KCNQ5: variants seen among roughly 807,000 people sequenced by gnomAD.
The protein encoded by KCNQ5 is potassium voltage-gated channel subfamily Q member 5, also known as potassium voltage-gated channel subfamily KQT member 5.
Under a neutral mutation model 98.2 loss-of-function variants are expected in KCNQ5, and 30 were observed. That is an observed-to-expected ratio of 0.31 (90% CI 0.23 to 0.41). KCNQ5 has a LOEUF of 0.41. Among genes scored for constraint, KCNQ5 ranks in the 10% least tolerant of loss-of-function variants. The pLI is 1.00. For synonymous variants in KCNQ5, 458 were observed against 449.4 expected (o/e 1.02, Z -0.24); for missense variants, 835 against 1,182.5 (o/e 0.71, Z 4.31).
At chr6:73,169,182 T>G (rs1777912675) in intron 10 of KCNQ5, among the ~76,000 whole-genome samples, 1 of 96,674 alleles carries the variant, frequency 1.0e-5, no homozygotes, top group Non-Finnish European at 1.9e-5. Context: ...AACTGATTTT[T>G]TATCCAGTCT....
chr6:72,729,417 A>T (rs1015833286), intron 1 of KCNQ5, among the ~76,000 whole-genome samples: 4 of 152,132 alleles, frequency 2.6e-5, no homozygotes, highest in Non-Finnish European at 5.9e-5. Flanking sequence ...CCTCCCAAGT[A>T]TCTGGGACTA....
intron 5 of KCNQ5, among the ~76,000 whole-genome samples, chr6:73,101,289 C>A (rs185064607): frequency 6.6e-6 from 1 of 152,154 alleles, no homozygotes; most frequent in Non-Finnish European, 1.5e-5. Context: ...GATCATCCAT[C>A]ATGACCAAGT....
intron 1 of KCNQ5, among the ~76,000 whole-genome samples, chr6:72,822,920 T>C (rs1162025643): frequency 1.3e-5 from 2 of 152,194 alleles, no homozygotes; most frequent in African/African-American, 4.8e-5. Flanking sequence ...CATGACCCCA[T>C]GTCACTTAGA....
At chr6:72,832,729 A>G (rs1776337236) in intron 1 of KCNQ5, among the ~76,000 whole-genome samples, 1 of 152,216 alleles carries the variant, frequency 6.6e-6, no homozygotes, top group African/African-American at 2.4e-5. Context: ...AAGACTAAAT[A>G]TTCAAGAATG....
chr6:72,986,828 G>T, intron 1 of KCNQ5: 2 of 1,157,842 alleles, frequency 1.7e-6, no homozygotes, highest in Non-Finnish European at 2.6e-6. Flanking sequence ...AACAAAGGGG[G>T]CCCAGGACCC....
intron 11 of KCNQ5, among the ~76,000 whole-genome samples, chr6:73,172,802 C>T (rs1016650300): frequency 6.6e-6 from 1 of 151,962 alleles, no homozygotes; most frequent in African/African-American, 2.4e-5. Context: ...TTAAATATGC[C>T]TTTTGTATTT....
chr6:72,983,978 G>A (rs113050395), intron 1 of KCNQ5, among the ~76,000 whole-genome samples: 13,067 of 152,134 alleles, frequency 0.086, 1,171 homozygotes, highest in African/African-American at 0.23. Context: ...CACTCCTGGC[G>A]GTCCACTCCA....
At chr6:73,174,721 C>G (rs1316557347) in intron 11 of KCNQ5, among the ~76,000 whole-genome samples, 1 of 152,168 alleles carries the variant, frequency 6.6e-6, no homozygotes, top group East Asian at 1.9e-4. Flanking sequence ...CTCATATTCC[C>G]TCTTCAAGCC....
chr6:73,147,972 T>C (rs1448233063), intron 10 of KCNQ5, among the ~76,000 whole-genome samples: 1 of 152,170 alleles, frequency 6.6e-6, no homozygotes, highest in African/African-American at 2.4e-5. Context: ...TTAAGGAACA[T>C]ATAAAAACAT....
intron 1 of KCNQ5, among the ~76,000 whole-genome samples, chr6:72,817,872 G>A (rs1775572196): frequency 6.6e-6 from 1 of 151,846 alleles, no homozygotes; most frequent in Admixed American, 6.6e-5. Flanking sequence ...CCAGCCTGGG[G>A]GAGAGAGCAA....
At chr6:72,918,119 G>A (rs1288574021) in intron 1 of KCNQ5, among the ~76,000 whole-genome samples, 1 of 152,164 alleles carries the variant, frequency 6.6e-6, no homozygotes, top group African/African-American at 2.4e-5. Context: ...GATTGATCTA[G>A]ATGAAACTTT....
At chr6:72,857,518 A>T (rs949920341) in intron 1 of KCNQ5, among the ~76,000 whole-genome samples, 4 of 152,228 alleles carry the variant, frequency 2.6e-5, no homozygotes, top group African/African-American at 7.2e-5. Context: ...AGTTTACAGG[A>T]TGAAGCCTTT....
intron 1 of KCNQ5, among the ~76,000 whole-genome samples, chr6:72,743,756 C>A (rs567398892): frequency 3.3e-5 from 5 of 152,178 alleles, no homozygotes; most frequent in African/African-American, 1.2e-4. Flanking sequence ...TGACGAACTG[C>A]GGACTCTAAT....
chr6:73,089,384 G>C (rs1422808617), intron 5 of KCNQ5, among the ~76,000 whole-genome samples: 1 of 152,056 alleles, frequency 6.6e-6, no homozygotes, highest in Non-Finnish European at 1.5e-5. Context: ...ATGAGAAAAT[G>C]ACTGTTATTA....
At chr6:72,842,444 T>C (rs1776837023) in intron 1 of KCNQ5, among the ~76,000 whole-genome samples, 1 of 152,202 alleles carries the variant, frequency 6.6e-6, no homozygotes, top group African/African-American at 2.4e-5. Flanking sequence ...AAAACCGTTA[T>C]AGTAATCCTC....
intron 1 of KCNQ5, among the ~76,000 whole-genome samples, chr6:72,726,279 C>T (rs10943058): frequency 0.044 from 6,494 of 149,252 alleles, 178 homozygotes; most frequent in Non-Finnish European, 0.065. Flanking sequence ...GGCGCGATCT[C>T]GGCTCACTGC....
chr6:72,941,058 G>A (rs1411809791), intron 1 of KCNQ5, among the ~76,000 whole-genome samples: 1 of 152,176 alleles, frequency 6.6e-6, no homozygotes, highest in Non-Finnish European at 1.5e-5. Flanking sequence ...AGAAATCCCT[G>A]TTCCATAAGA....
chr6:72,781,483 CTG>C (rs1773471098), intron 1 of KCNQ5, among the ~76,000 whole-genome samples: 2 of 152,116 alleles, frequency 1.3e-5, no homozygotes, highest in Admixed American at 1.3e-4. Flanking sequence ...ATGTTTATAA[CTG>C]TGTGGATTTT....
rs1447811489 is a variant in KCNQ5, at chr6:73,194,748, T to C, written c.2133T>C (p.Ser711=). The change falls in exon 14 of 14, where the codon AGT becomes AGC. Residue 711 remains serine, a synonymous_variant. Coordinates refer to ENST00000370398, the MANE Select transcript of KCNQ5 (RefSeq NM_019842.4). The part of the protein sequence containing the change: ...TFYALSPTMH[S]QATQVPISQS... ...ACGCGCTTAGCCCTACTATGCACAG[T>C]CAAGCAACACAGGTGCCAATTAGTC... is the stretch of plus-strand genomic sequence containing the variant. 6.2e-7 allele frequency: 1 copy of C among 1,614,198 alleles called. No individual in the cohort carries two copies. Among genetic ancestry groups the C allele is most frequent in the Non-Finnish European group, 8.5e-7 (1 of 1,180,032 alleles).
Sources: allele counts gnomAD v4.1 joint callset (sites outside exome capture counted in the v4.1 genomes callset), GRCh38; gene constraint gnomAD v4.1.1; transcripts MANE v1.5; gene names NCBI Gene and HGNC (gene_info 2026-07-23, HGNC 2026-07-21).